The following POF1B variants were observed in gnomAD, a reference collection of about 807,000 sequenced individuals.
The protein encoded by POF1B is protein POF1B.
Under a neutral mutation model 55.3 loss-of-function variants are expected in POF1B, and 53 were observed. The ratio of observed to expected loss-of-function variants is 0.96; its 90% CI spans 0.77 to 1.20. The LOEUF (loss-of-function observed/expected upper bound fraction) is 1.20, where lower values mean the gene tolerates loss of function less well. Ranked by LOEUF, POF1B falls within the 50% of genes most tolerant of loss-of-function variation. The pLI, the probability that POF1B is intolerant of heterozygous loss-of-function variation, is 0.00. For missense variants in POF1B, 478 were observed against 420.5 expected, an observed-to-expected ratio of 1.14 and a Z score of -1.20; for synonymous variants, 188 against 148.3, an observed-to-expected ratio of 1.27 and a Z score of -1.95.
At chrX:85,376,160 A>AT (rs1447777889) in intron 2 of POF1B, among the ~76,000 whole-genome samples, 5 of 111,117 alleles carry the variant, frequency 4.5e-5, no homozygotes, top group African/African-American at 1.6e-4. Context: ...ATTTTAATCC[A>AT]TTTTTTCTCT....
intron 15 of POF1B, among the ~76,000 whole-genome samples, chrX:85,283,454 G>T (rs1342111720): frequency 9.1e-6 from 1 of 110,354 alleles, no homozygotes; most frequent in Admixed American, 9.7e-5. Context: ...GTTAACAGCA[G>T]ATTAGGCACT....
chrX:85,288,615 G>A (rs1286759443), intron 15 of POF1B, among the ~76,000 whole-genome samples: 4 of 111,543 alleles, frequency 3.6e-5, no homozygotes, highest in Middle Eastern at 4.2e-3. Flanking sequence ...GAATTCCCAC[G>A]TGTTGTGGGA....
At chrX:85,307,068 C>T (rs1240967089) in intron 11 of POF1B, 95 bp downstream of exon 11, 2 of 685,842 alleles carry the variant, frequency 2.9e-6, no homozygotes, top group South Asian at 3.0e-5. Context: ...ATATTTAATT[C>T]TGTCTTGATT....
chrX:85,323,546 GTAAC>G (rs1932863724), intron 7 of POF1B, among the ~76,000 whole-genome samples: 1 of 108,253 alleles, frequency 9.2e-6, no homozygotes, highest in Non-Finnish European at 1.9e-5. Flanking sequence ...GTATACATAT[GTAAC>G]TAACCTGCAC....
Position 85,354,069 on chromosome X carries a change from A to G in POF1B, c.439-2618T>C, listed in dbSNP as rs184583612. Among the ~76,000 whole-genome samples, 206 of 110,639 alleles carry G rather than the reference A, an allele frequency of 1.9e-3. 2 individuals are homozygous for G. Among genetic ancestry groups the G allele is most frequent in the Non-Finnish European group, 3.5e-3 (182 of 52,597 alleles). On this transcript the variant is annotated intron_variant, in intron 4 of 16. Transcript: ENST00000262753. Reference sequence around the variant, plus strand: ...CTATATTTCAGTTCTTCCTTCTCCTATGTGCTGCAGAAAAGCAGGTAGGCC... The same window carrying G: ...CTATATTTCAGTTCTTCCTTCTCCTGTGTGCTGCAGAAAAGCAGGTAGGCC...
chrX:85,308,392 A>G (rs1293069388), intron 9 of POF1B, among the ~76,000 whole-genome samples, 176 bp from the exon 10 acceptor site: 2 of 111,871 alleles, frequency 1.8e-5, no homozygotes, highest in Admixed American at 1.9e-4. Flanking sequence ...TCCAAATAAT[A>G]TTCCTGAAGA....
chrX:85,377,035 G>T (rs1433258283), intron 2 of POF1B, among the ~76,000 whole-genome samples: 2 of 111,751 alleles, frequency 1.8e-5, no homozygotes, highest in Non-Finnish European at 3.8e-5. Flanking sequence ...TTGCTGCCAT[G>T]GTCACAAACT....
intron 6 of POF1B, among the ~76,000 whole-genome samples, chrX:85,338,037 A>T (rs1366695186): frequency 9.0e-6 from 1 of 111,665 alleles, no homozygotes; most frequent in East Asian, 2.8e-4. Flanking sequence ...TAAGACTCTC[A>T]GCTGCCTGGG....
chrX:85,352,343 C>A (rs1933407760), intron 4 of POF1B, among the ~76,000 whole-genome samples: 1 of 110,706 alleles, frequency 9.0e-6, no homozygotes, highest in African/African-American at 3.3e-5. Flanking sequence ...TATAGAAGAC[C>A]ATATAGGCAA....
At position 85,341,582 on chromosome X, in the gene POF1B, G is replaced by T. The variant is rs190949894; in HGVS notation, c.723+4278C>A. ...CCAAATGGACACTAATTAAATTTGT[G>T]GGAGCAACAGCAGGGGATACAAGTT... On this transcript the variant is annotated intron_variant, in intron 6 of 16. Transcript: ENST00000262753. Among the ~76,000 whole-genome samples the T allele has an allele frequency of 5.5e-3, 611 of 110,228 alleles. 7 individuals are homozygous for T. The highest frequency in any genetic ancestry group is 0.019 in the African/African-American group (582 of 30,420).
intron 11 of POF1B, among the ~76,000 whole-genome samples, chrX:85,306,869 C>A (rs1213028915): frequency 1.8e-5 from 2 of 111,608 alleles, no homozygotes; most frequent in Non-Finnish European, 3.8e-5. Flanking sequence ...CATGTTAGTA[C>A]ATTAAATAAA....
chrX:85,313,454 T>C (rs1932753869), intron 9 of POF1B, among the ~76,000 whole-genome samples: 1 of 112,147 alleles, frequency 8.9e-6, no homozygotes, highest in African/African-American at 3.2e-5. Context: ...TTGTCATTGA[T>C]TCTGTTTATG....
chrX:85,364,135 G>A (rs1254413761), intron 3 of POF1B, among the ~76,000 whole-genome samples: 1 of 110,987 alleles, frequency 9.0e-6, no homozygotes, highest in Non-Finnish European at 1.9e-5. Flanking sequence ...GCCTATGGGT[G>A]TCATTGTAAG....
intron 15 of POF1B, among the ~76,000 whole-genome samples, chrX:85,285,513 A>G (rs1362402737): frequency 9.1e-6 from 1 of 110,112 alleles, no homozygotes; most frequent in East Asian, 2.9e-4. Context: ...GACATGGATG[A>G]AGCTGGAAAC....
At chrX:85,371,148 TTC>T (rs1373257259) in intron 2 of POF1B, among the ~76,000 whole-genome samples, 1 of 111,679 alleles carries the variant, frequency 9.0e-6, no homozygotes, top group Non-Finnish European at 1.9e-5. Context: ...TCAACTCATG[TTC>T]TCTCTCTGAG....
intron 15 of POF1B, among the ~76,000 whole-genome samples, chrX:85,286,683 A>G (rs1932061877): frequency 9.0e-6 from 1 of 111,705 alleles, no homozygotes; most frequent in East Asian, 2.8e-4. Flanking sequence ...CTTCAGAATA[A>G]GAAGCATTAG....
rs753557062 is a variant in POF1B, at chrX:85,306,167, G to T, written c.1317+14C>A. The T allele has an allele frequency of 9.4e-6, 11 of 1,174,467 alleles. No homozygotes were observed. The South Asian group carries it at 2.0e-4, about 22-fold the overall frequency. On this transcript the variant is annotated intron_variant, in intron 12 of 16. Transcript: ENST00000262753. ...CTAAGGTAATACTGTATATTTAAAA[G>T]GAAGTTTTAATACCTGCATTCTAAG...
chrX:85,316,366 AG>A (rs1342927162), intron 7 of POF1B, among the ~76,000 whole-genome samples: 12 of 111,579 alleles, frequency 1.1e-4, no homozygotes, highest in African/African-American at 3.9e-4. Flanking sequence ...ATTTGGTCAC[AG>A]GGGTCGAAAG....
At position 85,360,527 on chromosome X, in the gene POF1B, GTATATATATATATATATA is replaced by G. The variant is rs142665633; in HGVS notation, c.358-915_358-898del. 4.4e-4 allele frequency among the ~76,000 whole-genome samples: 26 copies of G among 58,524 alleles called. 2 individuals are homozygous for G. The highest frequency in any genetic ancestry group is 2.7e-3 in the African/African-American group (26 of 9,584). The allele number at this position is 58,524 out of a possible 115,157, so 50.8% of individuals were successfully genotyped here. ...ATGGCTGCCTAGTATTCCATGGTAT[GTATATATATATATATATA>G]TATATATATATATACATATATACAC... On this transcript the variant is annotated intron_variant, in intron 3 of 16. Coordinates refer to ENST00000262753, the MANE Select transcript of POF1B (RefSeq NM_024921.4).
Sources: allele counts gnomAD v4.1 joint callset (sites outside exome capture counted in the v4.1 genomes callset), GRCh38; gene constraint gnomAD v4.1.1; transcripts MANE v1.5; gene names NCBI Gene and HGNC (gene_info 2026-07-23, HGNC 2026-07-21).